PLEKHG1: variants seen among roughly 807,000 people sequenced by gnomAD.
PLEKHG1 encodes the protein pleckstrin homology domain-containing family G member 1.
Under a neutral mutation model 100.8 loss-of-function variants are expected in PLEKHG1, and 44 were observed. The observed-to-expected ratio is 0.44, with a 90% confidence interval of 0.34 to 0.56. PLEKHG1 has a LOEUF of 0.56. Among genes scored for constraint, PLEKHG1 ranks in the 20% least tolerant of loss-of-function variants. The pLI is 0.01. For synonymous variants in PLEKHG1, 640 were observed against 662.5 expected (o/e 0.97, Z 0.52); for missense variants, 1,545 against 1,720.9 (o/e 0.90, Z 1.81).
chr6:150,823,811 T>A (rs958265789), intron 14 of PLEKHG1, 135 bp downstream of exon 15: 1 of 662,952 alleles, frequency 1.5e-6, no homozygotes, highest in Non-Finnish European at 2.7e-6. Flanking sequence ...AATATGGTAT[T>A]TTACATTTTG....
intron 4 of PLEKHG1, among the ~76,000 whole-genome samples, chr6:150,787,979 A>G (rs1478509729): frequency 6.6e-6 from 1 of 152,256 alleles, no homozygotes; most frequent in Non-Finnish European, 1.5e-5. Context: ...GGGTATATCA[A>G]AGGAGATATG....
chr6:150,720,368 C>A (rs1372450434), upstream of PLEKHG1, among the ~76,000 whole-genome samples: 6 of 152,154 alleles, frequency 3.9e-5, no homozygotes, highest in African/African-American at 1.4e-4. Context: ...TGTATGAATA[C>A]TAGATCATTC....
chr6:150,643,991 G>A (rs533157970), intron 2 of PLEKHG1, among the ~76,000 whole-genome samples: 14 of 152,090 alleles, frequency 9.2e-5, no homozygotes, highest in South Asian at 4.2e-4. Flanking sequence ...GCTATAGAGC[G>A]TGTGTCTGTC....
At chr6:150,791,916 T>G (rs1786005515) in intron 4 of PLEKHG1, among the ~76,000 whole-genome samples, 1 of 152,208 alleles carries the variant, frequency 6.6e-6, no homozygotes, top group Non-Finnish European at 1.5e-5. Context: ...AACTGTTTAA[T>G]AATGATACTA....
chr6:150,639,352 A>G (rs1333464188), intron 2 of PLEKHG1, among the ~76,000 whole-genome samples: 1 of 152,184 alleles, frequency 6.6e-6, no homozygotes, highest in East Asian at 1.9e-4. Context: ...GAACATATTC[A>G]TGGAATACAT....
At chr6:150,793,830 C>T (rs1347773985) in intron 4 of PLEKHG1, among the ~76,000 whole-genome samples, 1 of 152,138 alleles carries the variant, frequency 6.6e-6, no homozygotes, top group Non-Finnish European at 1.5e-5. Flanking sequence ...GCCTGCAATC[C>T]CAGCACTTTG....
chr6:150,607,657 G>T (rs1425438208), intron 1 of PLEKHG1, among the ~76,000 whole-genome samples: 1 of 152,178 alleles, frequency 6.6e-6, no homozygotes, highest in Non-Finnish European at 1.5e-5. Context: ...TGGTAGGGGT[G>T]ATATTAGAGG....
chr6:150,619,479 A>G (rs1267797431), intron 1 of PLEKHG1, among the ~76,000 whole-genome samples: 1 of 152,212 alleles, frequency 6.6e-6, no homozygotes, highest in East Asian at 1.9e-4. Context: ...TTGGAGGGCA[A>G]TAGAAACTCA....
At chr6:150,766,176 C>T (rs1253946339) in intron 2 of PLEKHG1, among the ~76,000 whole-genome samples, 1 of 152,172 alleles carries the variant, frequency 6.6e-6, no homozygotes, top group Non-Finnish European at 1.5e-5. Context: ...CTGCTCCTTC[C>T]CTCACCAAAC....
chr6:150,760,006 A>G (rs1255037237), intron 2 of PLEKHG1, among the ~76,000 whole-genome samples: 1 of 152,194 alleles, frequency 6.6e-6, no homozygotes, highest in Non-Finnish European at 1.5e-5. Flanking sequence ...AAAATAAAGA[A>G]AAAAGAGAAA....
intron 3 of PLEKHG1, among the ~76,000 whole-genome samples, chr6:150,704,531 T>A (rs1582973187): frequency 6.6e-6 from 1 of 152,274 alleles, no homozygotes; most frequent in South Asian, 2.1e-4. Flanking sequence ...GCAGGTGGAG[T>A]AAGGGGCTGC....
At chr6:150,810,324 C>T (rs1787417445) in intron 10 of PLEKHG1, among the ~76,000 whole-genome samples, 2 of 148,822 alleles carry the variant, frequency 1.3e-5, no homozygotes, top group Admixed American at 1.3e-4. Flanking sequence ...GGCTGGAGTG[C>T]AGTGGCGCAA....
chr6:150,793,721 A>G (rs1329905838), intron 4 of PLEKHG1, among the ~76,000 whole-genome samples: 1 of 152,206 alleles, frequency 6.6e-6, no homozygotes, highest in Non-Finnish European at 1.5e-5. Flanking sequence ...GTATTGTGCC[A>G]AATTACGGAA....
At chr6:150,746,173 A>G (rs1783151838) in intron 2 of PLEKHG1, among the ~76,000 whole-genome samples, 1 of 152,172 alleles carries the variant, frequency 6.6e-6, no homozygotes, top group Non-Finnish European at 1.5e-5. Flanking sequence ...TTTTGTTCCT[A>G]TGCTGCTGTC....
chr6:150,676,004 CATATA>C (rs888406322), intron 3 of PLEKHG1, among the ~76,000 whole-genome samples: 7 of 149,080 alleles, frequency 4.7e-5, no homozygotes, highest in Non-Finnish European at 7.4e-5. Context: ...GACCACAAGC[CATATA>C]ATATATCACA....
chr6:150,752,588 G>A (rs982941963), intron 2 of PLEKHG1, among the ~76,000 whole-genome samples: 1 of 152,136 alleles, frequency 6.6e-6, no homozygotes, highest in Non-Finnish European at 1.5e-5. Context: ...TGTTTCCAAG[G>A]TTCATTCATG....
intron 10 of PLEKHG1, 128 bp from the exon 12 acceptor site, chr6:150,818,055 C>A: frequency 1.3e-6 from 1 of 767,408 alleles, no homozygotes; most frequent in Non-Finnish European, 2.2e-6. Flanking sequence ...AAATGCTTAA[C>A]ATAAATAGCG....
upstream of PLEKHG1, among the ~76,000 whole-genome samples, chr6:150,717,423 T>G (rs1781486263): frequency 6.6e-6 from 1 of 151,162 alleles, no homozygotes; most frequent in African/African-American, 2.4e-5. Context: ...TGATCCTTCC[T>G]TCCATCTCAG....
At chr6:150,617,171 T>TA (rs1327891472) in intron 1 of PLEKHG1, among the ~76,000 whole-genome samples, 6 of 152,196 alleles carry the variant, frequency 3.9e-5, no homozygotes, top group Non-Finnish European at 7.3e-5. Context: ...TTTGTTAAGT[T>TA]AAAAAAACAC....
Sources: allele counts gnomAD v4.1 joint callset (sites outside exome capture counted in the v4.1 genomes callset), GRCh38; gene constraint gnomAD v4.1.1; transcripts MANE v1.5; gene names NCBI Gene and HGNC (gene_info 2026-07-23, HGNC 2026-07-21).